The following NEB variants were observed in gnomAD, a reference collection of about 807,000 sequenced individuals.
The protein encoded by NEB is nebulin, also known as nemaline myopathy type 2.
Under a neutral mutation model 952.2 loss-of-function variants are expected in NEB, and 512 were observed. The observed-to-expected ratio is 0.54, with a 90% CI of 0.50 to 0.58. The LOEUF (loss-of-function observed/expected upper bound fraction) is 0.58. NEB is among the 20% of genes least tolerant of loss of function. NEB has a pLI of 0.00. For missense variants in NEB, 8,428 were observed against 9,231.1 expected, an observed-to-expected ratio of 0.91 and a Z score of 3.56; for synonymous variants, 2,900 against 3,149.8, an observed-to-expected ratio of 0.92 and a Z score of 2.66.
At chr2:151,701,598 T>G (rs372554238) in intron 13 of NEB, among the ~76,000 whole-genome samples, 17 of 151,440 alleles carry the variant, frequency 1.1e-4, no homozygotes, top group Non-Finnish European at 1.9e-4. Context: ...TCTTGGGAGA[T>G]TGTATGTGTC....
At position 151,612,320 on chromosome 2, in the gene NEB, C is replaced by T. The variant is rs753450456; in HGVS notation, c.11671G>A (p.Glu3891Lys). Residue 3891 changes from glutamate to lysine, a missense_variant, in exon 78 of 182, where the codon GAG (glutamate) becomes AAG (lysine). This residue lies in a region of NEB where 337 missense variants were observed against 297.5 expected (regional missense o/e 1.13). Coordinates refer to ENST00000397345, the MANE Select transcript of NEB (RefSeq NM_001164508.2). Reference sequence around the variant, plus strand: ...ATTTCTCCAGCTCTCTTCACTTTCTCGACCTCTACAGAGCCAATGGGAACC... The same window carrying T: ...ATTTCTCCAGCTCTCTTCACTTTCTTGACCTCTACAGAGCCAATGGGAACC... ...GWVPIGSVEV[E>K]KVKRAGEILS... is the part of the protein sequence containing the mutation. The T allele has an allele frequency of 1.5e-5, 25 of 1,613,718 alleles. No individual in the cohort carries two copies. In the East Asian group the frequency reaches 3.1e-4, roughly 20 times the overall value.
chr2:151,502,562 AAC>A (rs1334974776), intron 167 of NEB, among the ~76,000 whole-genome samples: 4 of 152,136 alleles, frequency 2.6e-5, no homozygotes, highest in African/African-American at 9.7e-5. Context: ...GGAGGAAGAA[AAC>A]AGAGTATTAC....
intron 67 of NEB, among the ~76,000 whole-genome samples, chr2:151,629,959 A>G (rs892814932): frequency 6.6e-6 from 1 of 152,090 alleles, no homozygotes. Context: ...CTAGTAATAC[A>G]GATTGATGAG....
chr2:151,534,047 AC>A (rs1367567548), intron 142 of NEB, among the ~76,000 whole-genome samples: 3 of 152,192 alleles, frequency 2.0e-5, no homozygotes, highest in Non-Finnish European at 4.4e-5. Flanking sequence ...GGACTGGCAC[AC>A]TCAAATAGCT....
chr2:151,568,513 T>TA, intron 111 of NEB, 96 bp from the exon 112 acceptor site: 3 of 1,449,522 alleles, frequency 2.1e-6, no homozygotes, highest in South Asian at 2.3e-5. Context: ...TTTCAATGAT[T>TA]AAAATCTGTA....
chr2:151,688,457 C>G, intron 24 of NEB, 61 bp from the exon 25 acceptor site: 3 of 1,282,122 alleles, frequency 2.3e-6, no homozygotes, highest in Admixed American at 3.7e-5. Flanking sequence ...TTTAGGGCAG[C>G]ATATATAGCT....
At chr2:151,632,072 G>A (rs573996197) in intron 65 of NEB, among the ~76,000 whole-genome samples, 32 of 152,168 alleles carry the variant, frequency 2.1e-4, no homozygotes, top group Admixed American at 1.3e-4. Context: ...ATTGTGCAGG[G>A]CCCCAGTCTC....
At position 151,547,507 on chromosome 2, in the gene NEB, C is replaced by A. The variant is rs776526630; in HGVS notation, c.20289G>T (p.Lys6763Asn). 6.2e-7 allele frequency: 1 copy of A among 1,606,342 alleles called. No individual in the cohort carries two copies. The highest frequency in any genetic ancestry group is 8.5e-7 in the Non-Finnish European group (1 of 1,176,532). ...GCAGAGAGATCATGTGGCCCTGCAT[C>A]TTGAAGAAGTCTGATTTGTAGATCA... ...SELIYKSDFF[K>N]MQGHMISLPY... is the part of the protein sequence containing the mutation. The change falls in exon 133 of 182, where the codon AAG becomes AAT. Residue 6763 changes from lysine to asparagine, a missense_variant. Lys to Asn is a moderately conservative substitution (Grantham distance 94). Around this residue, in one of 11 missense-constraint regions of NEB, gnomAD observed 3,374 missense variants for 3,651.5 expected, o/e 0.92. Transcript: ENST00000397345.
Position 151,503,377 on chromosome 2 carries a change from ACT to A in NEB, c.23805_23806del (p.Arg7935SerfsTer9), listed in dbSNP as rs753192734. ...GCTAAAGTTCTCTTGATTGCGTTTG[ACT>A]CTCTCAATCTCTGGAGTCACAGTGG... On this transcript the variant is annotated frameshift_variant, in exon 166 of 182. Transcript: ENST00000397345. LOFTEE classifies it high-confidence loss of function. The A allele has an allele frequency of 1.9e-6, 3 of 1,612,076 alleles. No homozygotes were observed. Among genetic ancestry groups the A allele is most frequent in the South Asian group, 1.1e-5 (1 of 90,942 alleles).
At chr2:151,499,257 AT>A in intron 169 of NEB, 40 bp downstream of exon 169, 6 of 1,088,724 alleles carry the variant, frequency 5.5e-6, no homozygotes, top group Admixed American at 2.4e-5. Context: ...CTTTTTAAAC[AT>A]TTTTTTAAAT....
In NEB at chr2:151,692,424, T is replaced by G. The variant is rs2099561725; in HGVS notation, c.1897-62A>C. ...AAATATATATCTCATAAAGTAAAAGTCATTCATGTCTTTGCTGCACTTTAA... is the reference window on the plus strand; with the variant it reads ...AAATATATATCTCATAAAGTAAAAGGCATTCATGTCTTTGCTGCACTTTAA... On this transcript the variant is annotated intron_variant, in intron 20 of 181. Coordinates refer to ENST00000397345, the MANE Select transcript of NEB (RefSeq NM_001164508.2). 3.9e-6 allele frequency: 5 copies of G among 1,269,024 alleles called. No homozygotes were observed. In the East Asian group the frequency reaches 1.2e-4, roughly 32 times the overall value. 78.6% of individuals were successfully genotyped at this position (1,269,024 alleles called of 1,614,324 possible).
At position 151,549,526 on chromosome 2, in the gene NEB, C is replaced by T. The variant is rs923313513; in HGVS notation, c.20049+110G>A. 5.6e-5 allele frequency: 42 copies of T among 748,662 alleles called. No homozygotes were observed. The East Asian group carries it at 1.1e-3, about 20-fold the overall frequency. The allele number at this position is 748,662 out of a possible 1,614,324, so 46.4% of individuals were successfully genotyped here. On this transcript the variant is annotated intron_variant, in intron 130 of 181. Transcript: ENST00000397345. ...TCCTCTCCAGCTCCCATCATTCTAT[C>T]AGGTTGAACCTTGAGGGTGAGACTG...
chr2:151,534,114 T>C (rs1257288887), intron 142 of NEB: 3 of 869,014 alleles, frequency 3.5e-6, no homozygotes, highest in Non-Finnish European at 3.7e-6. Flanking sequence ...CCCAATATCA[T>C]AGGCAGAACC....
intron 27 of NEB, among the ~76,000 whole-genome samples, chr2:151,685,490 C>A (rs999288918): frequency 3.3e-5 from 5 of 151,916 alleles, no homozygotes; most frequent in African/African-American, 1.2e-4. Context: ...AGGAGATAAC[C>A]CCACTGAGAA....
intron 138 of NEB, among the ~76,000 whole-genome samples, chr2:151,538,598 GA>G (rs1190074799): frequency 6.6e-6 from 1 of 151,294 alleles, no homozygotes; most frequent in African/African-American, 2.4e-5. Context: ...ACTTAAAATA[GA>G]AAGTTTATTT....
chr2:151,507,651 G>T (rs1299917637), intron 162 of NEB: 16 of 225,922 alleles, frequency 7.1e-5, no homozygotes, highest in Non-Finnish European at 2.6e-5. Flanking sequence ...ATATTTCCCT[G>T]TTTCTTTGGG....
At chr2:151,538,840 A>G (rs1336638017) in intron 138 of NEB, among the ~76,000 whole-genome samples, 2 of 152,030 alleles carry the variant, frequency 1.3e-5, no homozygotes, top group Non-Finnish European at 2.9e-5. Context: ...ACCTGAGAAT[A>G]TCATAGATGA....
chr2:151,513,564 GA>G lies in NEB; in HGVS notation c.23241+15del, dbSNP rs914344860. On this transcript the variant is annotated intron_variant, in intron 160 of 181. Transcript: ENST00000397345. ...ACTACTTTCCTGAAAGATTGACATC[GA>G]ATAGTAGCACTGACCTGACTGGCAA... is the stretch of plus-strand genomic sequence containing the variant. 2 of 1,558,012 alleles carry G rather than the reference GA, an allele frequency of 1.3e-6. No individual in the cohort carries two copies. The highest frequency in any genetic ancestry group is 2.7e-5 in the African/African-American group (2 of 73,788).
At position 151,581,683 on chromosome 2, in the gene NEB, T is replaced by C. The variant is rs530250693; in HGVS notation, c.16180-96A>G. On this transcript the variant is annotated intron_variant, in intron 102 of 181. Coordinates refer to ENST00000397345, the MANE Select transcript of NEB (RefSeq NM_001164508.2). Reference sequence around the variant, plus strand: ...AAGTCATAAAACATACTTGAATAAATGGATGATGAAAAAAATTTTAAGTGA... The same window carrying C: ...AAGTCATAAAACATACTTGAATAAACGGATGATGAAAAAAATTTTAAGTGA... 11 of 1,407,876 alleles carry C rather than the reference T, an allele frequency of 7.8e-6. No homozygotes were observed. The East Asian group carries it at 2.1e-4, about 26-fold the overall frequency. 87.2% of individuals were successfully genotyped at this position (1,407,876 alleles called of 1,614,324 possible).
Sources: gnomAD v4.1 joint callset for allele counts (sites outside exome capture counted in the v4.1 genomes callset) on GRCh38, gnomAD v4.1.1 for gene constraint, gnomAD v4.1.1 regional missense constraint, MANE v1.5 for transcripts, NCBI Gene and HGNC (gene_info 2026-07-23, HGNC 2026-07-21) for gene names.